Variants in ABI1 observed in about 807,000 individuals in gnomAD.
The protein encoded by ABI1 is Abelson interactor 1.
ABI1 carries 14 observed loss-of-function variants against 54.6 expected under a neutral mutation model. That is an observed-to-expected ratio of 0.26 (90% CI 0.17 to 0.40). The LOEUF (loss-of-function observed/expected upper bound fraction) is 0.40. ABI1 is among the 10% of genes least tolerant of loss of function. The probability of loss-of-function intolerance (pLI) is 1.00; values close to 1 mark genes in which losing one functional copy is unlikely to be tolerated. For synonymous variants in ABI1, 194 were observed against 209.3 expected (o/e 0.93, Z 0.63); for missense variants, 443 against 598.3 (o/e 0.74, Z 2.71).
chr10:26,756,550 C>T (rs1296058182), intron 8 of ABI1, among the ~76,000 whole-genome samples: 2 of 152,080 alleles, frequency 1.3e-5, no homozygotes, highest in Non-Finnish European at 2.9e-5. Context: ...CATTGGATAG[C>T]TTGAAACACA....
At chr10:26,763,936 G>C in intron 7 of ABI1, 1 of 1,612,768 alleles carries the variant, frequency 6.2e-7, no homozygotes, top group African/African-American at 1.3e-5. Flanking sequence ...TGGAGCTCCA[G>C]AAGGAGGAGG....
Position 26,860,671 on chromosome 10 carries a change from C to T in ABI1, c.117+76G>A, listed in dbSNP as rs2051236930. ...AGCCGCTGAGGTCAGGGCAGTTCCC[C>T]ACCCCGCCCAGTGGGCTGGTCACTC... is the stretch of plus-strand genomic sequence containing the variant. On this transcript the variant is annotated intron_variant, in intron 1 of 10. Coordinates refer to ENST00000376140, the MANE Select transcript of ABI1 (RefSeq NM_001012750.3). This position sits in a 1 kb window ranked among gnomAD's most constrained non-coding sequence, Gnocchi z 4.1. 2.5e-6 allele frequency: 3 copies of T among 1,209,068 alleles called. No homozygotes were observed. Among genetic ancestry groups the T allele is most frequent in the Non-Finnish European group, 3.7e-6 (3 of 819,228 alleles). The allele number at this position is 1,209,068 out of a possible 1,614,324, so 74.9% of individuals were successfully genotyped here.
chr10:26,817,088 C>A (rs1254172730), intron 2 of ABI1, among the ~76,000 whole-genome samples: 1 of 151,830 alleles, frequency 6.6e-6, no homozygotes, highest in Admixed American at 6.6e-5. Flanking sequence ...CAACTTCTGC[C>A]TCCCGAGTTG....
intron 3 of ABI1, among the ~76,000 whole-genome samples, chr10:26,775,502 C>A (rs1021100796): frequency 8.6e-5 from 13 of 151,922 alleles, no homozygotes; most frequent in Non-Finnish European, 1.8e-4. Flanking sequence ...AAACCAAGCC[C>A]CCCAACCCTG....
intron 7 of ABI1, among the ~76,000 whole-genome samples, chr10:26,759,720 T>G (rs1838858850): frequency 6.6e-6 from 1 of 152,086 alleles, no homozygotes; most frequent in Non-Finnish European, 1.5e-5. Context: ...TAGAGTCTTA[T>G]AATGATAAGT....
intron 1 of ABI1, among the ~76,000 whole-genome samples, chr10:26,857,643 CAAAAAAA>C (rs372472533): frequency 5.9e-5 from 5 of 84,450 alleles, no homozygotes; most frequent in Non-Finnish European, 2.6e-5. Context: ...GACTGTGTCT[CAAAAAAA>C]AAAAAAAAAA....
intron 2 of ABI1, among the ~76,000 whole-genome samples, chr10:26,808,615 CA>C (rs377205658): frequency 6.6e-6 from 1 of 151,810 alleles, no homozygotes; most frequent in Non-Finnish European, 1.5e-5. Context: ...CTCAGCTACT[CA>C]GGAGGCTGAG....
At chr10:26,797,353 T>A (rs1330162160) in intron 2 of ABI1, among the ~76,000 whole-genome samples, 1 of 152,210 alleles carries the variant, frequency 6.6e-6, no homozygotes, top group Non-Finnish European at 1.5e-5. Context: ...GTAAAAAGCC[T>A]GGTATACAAT....
chr10:26,794,665 T>C (rs1843903238), intron 2 of ABI1, among the ~76,000 whole-genome samples: 2 of 151,936 alleles, frequency 1.3e-5, no homozygotes, highest in South Asian at 2.1e-4. Flanking sequence ...TGAAGCAATA[T>C]ATAGAATGGA....
chr10:26,801,254 A>G (rs1381739741), intron 2 of ABI1, among the ~76,000 whole-genome samples: 1 of 152,150 alleles, frequency 6.6e-6, no homozygotes, highest in East Asian at 1.9e-4. Context: ...TCTAGAAAAT[A>G]CACACCATCG....
intron 2 of ABI1, among the ~76,000 whole-genome samples, chr10:26,816,778 G>A (rs1472615254): frequency 6.6e-6 from 1 of 151,296 alleles, no homozygotes; most frequent in Non-Finnish European, 1.5e-5. Context: ...ACAGATCACA[G>A]AACAACCATA....
intron 2 of ABI1, among the ~76,000 whole-genome samples, chr10:26,813,153 G>C (rs2047346055): frequency 6.6e-6 from 1 of 151,900 alleles, no homozygotes; most frequent in Non-Finnish European, 1.5e-5. Flanking sequence ...GGAGGCTGAG[G>C]CAGGAGAATC....
At chr10:26,848,216 A>AG in intron 1 of ABI1, among the ~76,000 whole-genome samples, 1 of 150,428 alleles carries the variant, frequency 6.6e-6, no homozygotes, top group Non-Finnish European at 1.5e-5. Flanking sequence ...AAAAAAAAAA[A>AG]AAAAAAGAAG....
intron 7 of ABI1, 77 bp from the exon 8 acceptor site, chr10:26,759,315 G>A (rs1172803528): frequency 1.4e-5 from 17 of 1,221,030 alleles, no homozygotes; most frequent in Non-Finnish European, 1.9e-5. Context: ...AACAAAGCAG[G>A]AGGGGGCCTC....
chr10:26,858,333 C>T (rs1434095274), intron 1 of ABI1, among the ~76,000 whole-genome samples: 4 of 152,104 alleles, frequency 2.6e-5, no homozygotes, highest in African/African-American at 9.7e-5. Flanking sequence ...TCAACTTCCA[C>T]ATCACTTTCT....
At chr10:26,813,816 T>C (rs1046900397) in intron 2 of ABI1, among the ~76,000 whole-genome samples, 1 of 152,246 alleles carries the variant, frequency 6.6e-6, no homozygotes, top group African/African-American at 2.4e-5. Flanking sequence ...ATTAAAATGT[T>C]ATTTGTACTA....
chr10:26,843,485 A>T lies in ABI1; in HGVS notation c.117+17262T>A, dbSNP rs865901351. 6.7e-3 allele frequency among the ~76,000 whole-genome samples: 228 copies of T among 33,870 alleles called. 4 individuals carry two copies. The highest frequency in any genetic ancestry group is 0.023 in the African/African-American group (184 of 8,058). 22.2% of individuals were successfully genotyped at this position (33,870 alleles called of 152,430 possible). On this transcript the variant is annotated intron_variant, in intron 1 of 10. Transcript: ENST00000376140. ...AAAAAAAAAAAAAAAAAAAAAAAAAAATATATATATATATATATATATATA... is the reference window on the plus strand; with the variant it reads ...AAAAAAAAAAAAAAAAAAAAAAAAATATATATATATATATATATATATATA...
chr10:26,856,892 T>C (rs962721613), intron 1 of ABI1, among the ~76,000 whole-genome samples: 12 of 152,272 alleles, frequency 7.9e-5, no homozygotes, highest in African/African-American at 2.9e-4. Context: ...GAACTAACTC[T>C]AAGGTAGAGC....
At chr10:26,763,557 CAG>C (rs748479490) in intron 7 of ABI1, among the ~76,000 whole-genome samples, 196 of 152,066 alleles carry the variant, frequency 1.3e-3, no homozygotes, top group Non-Finnish European at 2.3e-3. Context: ...TTGTATATAC[CAG>C]AGAGTTCCAA....
Sources: allele counts gnomAD v4.1 joint callset (sites outside exome capture counted in the v4.1 genomes callset), GRCh38; gene constraint gnomAD v4.1.1; non-coding constraint Gnocchi (gnomAD v3.1); transcripts MANE v1.5; gene names NCBI Gene and HGNC (gene_info 2026-07-23, HGNC 2026-07-21).